MAGI2: variants seen among roughly 807,000 people sequenced by gnomAD.
MAGI2 encodes membrane-associated guanylate kinase, WW and PDZ domain-containing protein 2.
MAGI2 carries 35 observed loss-of-function variants against 133.3 expected under a neutral mutation model. The observed-to-expected ratio is 0.26, with a 90% CI of 0.20 to 0.35. The LOEUF is 0.35. MAGI2 is among the 10% of genes least tolerant of loss of function. MAGI2 has a pLI of 1.00. For synonymous variants in MAGI2, 729 were observed against 710.6 expected (o/e 1.03, Z -0.41); for missense variants, 1,636 against 1,863.4 (o/e 0.88, Z 2.25).
At chr7:78,765,184 C>CT (rs537843526) in intron 2 of MAGI2, among the ~76,000 whole-genome samples, 34 of 152,090 alleles carry the variant, frequency 2.2e-4, no homozygotes, top group Non-Finnish European at 4.6e-4. Flanking sequence ...TGGGACTGTC[C>CT]TAGTGTATCC....
chr7:78,591,159 T>C lies in MAGI2; in HGVS notation c.538+35961A>G, dbSNP rs146857891. On this transcript the variant is annotated intron_variant, in intron 3 of 21. Coordinates refer to ENST00000354212, the MANE Select transcript of MAGI2 (RefSeq NM_012301.4). ...ACGAGGAAGAAAGAAATAAATACCA[T>C]GAGAGCAGCACATAGGAAATGCTTT... Among the ~76,000 whole-genome samples the C allele has an allele frequency of 3.2e-3, 485 of 152,254 alleles. 3 individuals are homozygous for C. The highest frequency in any genetic ancestry group is 0.011 in the African/African-American group (466 of 41,556).
intron 4 of MAGI2, among the ~76,000 whole-genome samples, chr7:78,506,297 G>A (rs970771210): frequency 6.6e-6 from 1 of 152,174 alleles, no homozygotes; most frequent in Admixed American, 6.5e-5. Flanking sequence ...ATTCTGTGGG[G>A]TAGGGGTAGG....
chr7:79,317,402 A>G (rs1319574690), intron 1 of MAGI2, among the ~76,000 whole-genome samples: 5 of 152,162 alleles, frequency 3.3e-5, no homozygotes, highest in African/African-American at 7.2e-5. Context: ...CTGAAGTCAG[A>G]GTATATAATG....
chr7:78,594,606 C>T (rs184088751), intron 3 of MAGI2, among the ~76,000 whole-genome samples: 48 of 152,202 alleles, frequency 3.2e-4, no homozygotes, highest in Admixed American at 1.9e-3. Flanking sequence ...TACAGGCAAG[C>T]ACCACCATGC....
intron 1 of MAGI2, among the ~76,000 whole-genome samples, chr7:79,166,124 A>T (rs1179838335): frequency 6.6e-6 from 1 of 152,124 alleles, no homozygotes; most frequent in Non-Finnish European, 1.5e-5. Context: ...ACATCTTTGC[A>T]TGTGGTAGGC....
chr7:79,038,019 G>A (rs117631583), intron 1 of MAGI2, among the ~76,000 whole-genome samples: 2,594 of 152,188 alleles, frequency 0.017, 27 homozygotes, highest in South Asian at 0.061. Flanking sequence ...CCTTTTGTAC[G>A]TTCATCAAGA....
intron 1 of MAGI2, among the ~76,000 whole-genome samples, chr7:79,430,690 A>G (rs1368892432): frequency 1.3e-5 from 2 of 152,186 alleles, no homozygotes; most frequent in African/African-American, 4.8e-5. Flanking sequence ...ATTGTGACAT[A>G]TATGTGCTTA....
chr7:78,073,037 C>A, intron 21 of MAGI2: 1 of 398,276 alleles, frequency 2.5e-6, no homozygotes, highest in South Asian at 1.3e-4. Context: ...ACTGCTTCAC[C>A]TGCTGCTCTA....
chr7:78,462,472 A>T (rs1028019682), intron 6 of MAGI2, among the ~76,000 whole-genome samples: 1 of 152,192 alleles, frequency 6.6e-6, no homozygotes, highest in African/African-American at 2.4e-5. Context: ...TAATGATGAG[A>T]GGAGGAGAGC....
chr7:78,936,692 T>C (rs1205537723), intron 2 of MAGI2, among the ~76,000 whole-genome samples: 1 of 152,000 alleles, frequency 6.6e-6, no homozygotes, highest in Non-Finnish European at 1.5e-5. Flanking sequence ...TGAAACTATA[T>C]AATGTGTATA....
chr7:78,177,428 A>ACGCG (rs1826755922), intron 14 of MAGI2, among the ~76,000 whole-genome samples: 1 of 76,058 alleles, frequency 1.3e-5, no homozygotes, highest in Non-Finnish European at 3.4e-5. Context: ...GCACACACAC[A>ACGCG]CACACACACA....
Position 79,280,519 on chromosome 7 carries a change from G to A in MAGI2, c.301+172501C>T, listed in dbSNP as rs141503825. ...TCCATGTAGCATGTATTGGAAGTCA[G>A]GGAGTAAGGGAATAAGATTACTTGT... On this transcript the variant is annotated intron_variant, in intron 1 of 21. Transcript: ENST00000354212. 1.6e-3 allele frequency among the ~76,000 whole-genome samples: 239 copies of A among 152,242 alleles called. 1 individual carries two copies. The highest frequency in any genetic ancestry group is 3.0e-3 in the Non-Finnish European group (206 of 68,014).
At chr7:78,948,534 A>G (rs113065694) in intron 2 of MAGI2, among the ~76,000 whole-genome samples, 12 of 152,250 alleles carry the variant, frequency 7.9e-5, no homozygotes, top group African/African-American at 2.9e-4. Flanking sequence ...TTAAGTAGCC[A>G]CATCTTGTAG....
chr7:79,135,653 T>G (rs1260030530), intron 1 of MAGI2, among the ~76,000 whole-genome samples: 1 of 152,050 alleles, frequency 6.6e-6, no homozygotes. Flanking sequence ...AAAAAGGCTT[T>G]GGGCAGGGCA....
At chr7:79,003,579 G>A (rs1364736517) in intron 2 of MAGI2, among the ~76,000 whole-genome samples, 1 of 152,146 alleles carries the variant, frequency 6.6e-6, no homozygotes, top group Non-Finnish European at 1.5e-5. Context: ...TTTGACCAAG[G>A]AAAATGTGTA....
intron 1 of MAGI2, among the ~76,000 whole-genome samples, chr7:79,345,687 A>G (rs1841260440): frequency 6.6e-6 from 1 of 152,140 alleles, no homozygotes; most frequent in Non-Finnish European, 1.5e-5. Flanking sequence ...AAGAAGAAAA[A>G]TTGGCAATTT....
intron 3 of MAGI2, among the ~76,000 whole-genome samples, chr7:78,581,951 G>T (rs991476906): frequency 6.6e-6 from 1 of 152,154 alleles, no homozygotes; most frequent in African/African-American, 2.4e-5. Context: ...TTTCCTCCGG[G>T]TATATGGAGA....
intron 1 of MAGI2, among the ~76,000 whole-genome samples, chr7:79,073,910 AT>A (rs1815225617): frequency 6.6e-6 from 1 of 151,318 alleles, no homozygotes; most frequent in Non-Finnish European, 1.5e-5. Flanking sequence ...TTCCAGTCTT[AT>A]TCTTATTAAT....
intron 1 of MAGI2, among the ~76,000 whole-genome samples, chr7:79,443,297 TG>T: frequency 2.0e-5 from 3 of 151,290 alleles, no homozygotes; most frequent in Non-Finnish European, 4.4e-5. Flanking sequence ...TGTGTGTGTG[TG>T]TGTGTGTGTG....
Sources: allele counts gnomAD v4.1 joint callset (sites outside exome capture counted in the v4.1 genomes callset), GRCh38; gene constraint gnomAD v4.1.1; transcripts MANE v1.5; gene names NCBI Gene and HGNC (gene_info 2026-07-23, HGNC 2026-07-21).